Variants in LRPPRC observed in about 807,000 individuals in gnomAD.
The protein encoded by LRPPRC is leucine rich pentatricopeptide repeat containing, also known as leucine-rich PPR motif-containing protein, mitochondrial.
Under a neutral mutation model 180.3 loss-of-function variants are expected in LRPPRC, and 120 were observed. The observed-to-expected ratio is 0.67, with a 90% confidence interval of 0.57 to 0.77. The LOEUF (loss-of-function observed/expected upper bound fraction) is 0.77, where lower values mean the gene tolerates loss of function less well. Among genes scored for constraint, LRPPRC ranks in the 30% least tolerant of loss-of-function variants. The pLI, the probability that LRPPRC is intolerant of heterozygous loss-of-function variation, is 0.00. For missense variants in LRPPRC, 2,012 were observed against 1,657.2 expected (o/e 1.21, Z -3.72); for synonymous variants, 723 against 600.0 (o/e 1.21, Z -3.00).
At chr2:43,995,673 G>A (rs1221816544) in intron 1 of LRPPRC, 126 bp downstream of exon 1, 14 of 918,336 alleles carry the variant, frequency 1.5e-5, no homozygotes, top group Non-Finnish European at 2.1e-5. Context: ...CGGAGCCCGG[G>A]GAGGCTAGGT....
At chr2:43,991,098 C>T (rs921298832) in intron 1 of LRPPRC, among the ~76,000 whole-genome samples, 2 of 150,502 alleles carry the variant, frequency 1.3e-5, no homozygotes, top group Non-Finnish European at 2.9e-5. Flanking sequence ...GGCCTGATCT[C>T]TGCTCACTAC....
chr2:43,892,046 A>C (rs1189631643), intron 36 of LRPPRC, among the ~76,000 whole-genome samples: 1 of 152,222 alleles, frequency 6.6e-6, no homozygotes, highest in Admixed American at 6.5e-5. Context: ...GCAAGGCCCT[A>C]ATACTAGCAG....
chr2:43,901,072 AATGAGAAAGGTT>A (rs781424267), intron 32 of LRPPRC, among the ~76,000 whole-genome samples: 2 of 152,240 alleles, frequency 1.3e-5, no homozygotes, highest in African/African-American at 2.4e-5. Flanking sequence ...TATACACAGG[AATGAGAAAGGTT>A]ATCAACTGTG....
chr2:43,915,356 A>C (rs1454113429), intron 29 of LRPPRC, among the ~76,000 whole-genome samples: 1 of 151,970 alleles, frequency 6.6e-6, no homozygotes, highest in African/African-American at 2.4e-5. Flanking sequence ...GTGTGTACTC[A>C]AAGATATATA....
intron 1 of LRPPRC, among the ~76,000 whole-genome samples, chr2:43,991,611 G>C (rs544883141): frequency 6.6e-6 from 1 of 152,276 alleles, no homozygotes; most frequent in South Asian, 2.1e-4. Context: ...AAATGTATGT[G>C]ACAAAGCAAG....
At chr2:43,891,780 T>C (rs945856113) in intron 36 of LRPPRC, among the ~76,000 whole-genome samples, 1 of 152,140 alleles carries the variant, frequency 6.6e-6, no homozygotes, top group Non-Finnish European at 1.5e-5. Context: ...AGAAATGAAA[T>C]GATTAAGCTT....
intron 2 of LRPPRC, 123 bp downstream of exon 2, chr2:43,982,115 C>G (rs1274186019): frequency 1.6e-6 from 1 of 620,628 alleles, no homozygotes; most frequent in African/African-American, 1.9e-5. Context: ...GCCATGTTGG[C>G]CAGGCTGGTC....
intron 21 of LRPPRC, among the ~76,000 whole-genome samples, chr2:43,945,864 T>C (rs1352468173): frequency 2.0e-5 from 3 of 152,086 alleles, no homozygotes; most frequent in Admixed American, 6.5e-5. Context: ...TGATGATATA[T>C]AATCAATGGA....
rs551840833 is a variant in LRPPRC, at chr2:43,899,570, T to A, written c.3605A>T (p.Asn1202Ile). 1.9e-6 allele frequency: 3 copies of A among 1,609,246 alleles called. No homozygotes were observed. The highest frequency in any genetic ancestry group is 2.6e-6 in the Non-Finnish European group (3 of 1,175,612). Residue 1202 changes from asparagine (N) to isoleucine (I), a missense_variant, in exon 33 of 38, where the codon AAT (asparagine) becomes ATT (isoleucine). Transcript: ENST00000260665. Reference sequence around the variant, plus strand: ...GACTTTATTCTCTGAAGTAAGCATATTTTCAATGTTTTCTATTGCGGCATC... The same window carrying A: ...GACTTTATTCTCTGAAGTAAGCATAATTTCAATGTTTTCTATTGCGGCATC... ...NIDAAIENIENMLTSENKVIE... is the reference protein window; with the variant it reads ...NIDAAIENIEIMLTSENKVIE...
At chr2:43,974,807 T>G (rs1179115495) in intron 7 of LRPPRC, 49 bp from the exon 8 acceptor site, 1 of 1,562,496 alleles carries the variant, frequency 6.4e-7, no homozygotes, top group Non-Finnish European at 8.8e-7. Flanking sequence ...TGTTTTTATT[T>G]AAGTATTAAA....
Position 43,963,683 on chromosome 2 carries a change from T to C in LRPPRC, c.1393A>G (p.Met465Val). 1 of 1,594,474 alleles carries C rather than the reference T, an allele frequency of 6.3e-7. No individual in the cohort carries two copies. ...VQGIIEILKG[M>V]QELGVHPDQE... ...TCAGGATGTACTCCCAATTCTTGCA[T>C]TCCTTTGAGGATTTCAATTATACCT... The change falls in exon 12 of 38, where the codon ATG becomes GTG. Residue 465 changes from methionine to valine, a missense_variant. Coordinates refer to ENST00000260665, the MANE Select transcript of LRPPRC (RefSeq NM_133259.4).
At chr2:43,973,961 G>C in intron 9 of LRPPRC, 61 bp from the exon 10 acceptor site, 1 of 1,166,032 alleles carries the variant, frequency 8.6e-7, no homozygotes, top group Admixed American at 1.7e-5. Flanking sequence ...TTGACCTGCT[G>C]CAAATATTCT....
Position 43,887,527 on chromosome 2 carries a change from T to C in LRPPRC, c.*1073A>G, listed in dbSNP as rs944553517. 2 of 152,162 alleles carry C rather than the reference T, an allele frequency of 1.3e-5. No homozygotes were observed. The highest frequency in any genetic ancestry group is 2.4e-5 in the African/African-American group (1 of 41,434). The allele number at this position is 152,162 out of a possible 1,614,324, so 9.4% of individuals were successfully genotyped here. The stretch of plus-strand genomic sequence containing the variant: ...CAAGTTGGCACTGAAACTGGAACAG[T>C]AGGGAGTCACCAAATTCAAATGAAC... On this transcript the variant is annotated 3_prime_UTR_variant, in exon 38 of 38. Coordinates refer to ENST00000260665, the MANE Select transcript of LRPPRC (RefSeq NM_133259.4).
rs759297611 is a variant in LRPPRC at position 43,896,664 on chromosome 2, G to GAAC, written c.3867_3869dup (p.Leu1289dup). 2 of 1,612,058 alleles carry GAAC rather than the reference G, an allele frequency of 1.2e-6. No individual in the cohort carries two copies. The highest frequency in any genetic ancestry group is 1.3e-5 in the African/African-American group (1 of 74,842). ...CTTGTTTCCTAGAATTCCTAAGGAGGAACAACAACAAAATCGGGGTTTGTT... is the reference window on the plus strand; with the variant it reads ...CTTGTTTCCTAGAATTCCTAAGGAGGAACAACAACAACAAAATCGGGGTTTGTT... On this transcript the variant is annotated inframe_insertion, in exon 35 of 38. Transcript: ENST00000260665.
At chr2:43,933,809 G>A (rs1393699222) in intron 25 of LRPPRC, among the ~76,000 whole-genome samples, 1 of 152,142 alleles carries the variant, frequency 6.6e-6, no homozygotes, top group Non-Finnish European at 1.5e-5. Context: ...CTTGAGCATG[G>A]TCTGCAGCAA....
chr2:43,969,984 T>C lies in LRPPRC; in HGVS notation c.1369+3623A>G, dbSNP rs569589853. Among the ~76,000 whole-genome samples, 166 of 152,262 alleles carry C rather than the reference T, an allele frequency of 1.1e-3. 2 individuals are homozygous for C. The highest frequency in any genetic ancestry group is 4.0e-3 in the African/African-American group (166 of 41,552). On this transcript the variant is annotated intron_variant, in intron 11 of 37. Transcript: ENST00000260665. ...AGCCACCACACCCAGCCTAAATAAATGTTAATAGGAGCAATAATAACTTAA... is the reference window on the plus strand; with the variant it reads ...AGCCACCACACCCAGCCTAAATAAACGTTAATAGGAGCAATAATAACTTAA...
intron 12 of LRPPRC, 92 bp from the exon 13 acceptor site, chr2:43,960,726 C>A: frequency 3.9e-6 from 3 of 767,708 alleles, no homozygotes; most frequent in Non-Finnish European, 7.1e-6. Context: ...TTTGAATCAC[C>A]ATATTCTCTG....
rs553940109 is a variant in LRPPRC at position 43,964,721 on chromosome 2, A to T, written c.1370-1015T>A. Among the ~76,000 whole-genome samples the T allele has an allele frequency of 6.2e-4, 95 of 152,248 alleles. 2 individuals carry two copies. In the South Asian group the frequency reaches 0.018, roughly 28 times the overall value. On this transcript the variant is annotated intron_variant, in intron 11 of 37. Coordinates refer to ENST00000260665, the MANE Select transcript of LRPPRC (RefSeq NM_133259.4). ...TAAAAAAAAAACTATAATTTTTTTT[A>T]AAATTTAGGTTATGAATCAGAATAT...
At chr2:43,943,598 C>T in intron 23 of LRPPRC, 89 bp downstream of exon 23, 1 of 1,081,216 alleles carries the variant, frequency 9.2e-7, no homozygotes, top group Non-Finnish European at 1.4e-6. Flanking sequence ...GCTTCCCCAT[C>T]ATGAGGGTAT....
Sources: gnomAD v4.1 joint callset for allele counts (sites outside exome capture counted in the v4.1 genomes callset) on GRCh38, gnomAD v4.1.1 for gene constraint, MANE v1.5 for transcripts, NCBI Gene and HGNC (gene_info 2026-07-23, HGNC 2026-07-21) for gene names.